SLIT2: variants seen among roughly 807,000 people sequenced by gnomAD.
SLIT2 encodes the protein slit homolog 2 protein.
Under a neutral mutation model 185.7 loss-of-function variants are expected in SLIT2, and 41 were observed. The ratio of observed to expected loss-of-function variants is 0.22; its 90% confidence interval spans 0.17 to 0.29. The LOEUF (loss-of-function observed/expected upper bound fraction) is 0.29, where lower values mean the gene tolerates loss of function less well. Among genes scored for constraint, SLIT2 ranks in the 10% least tolerant of loss-of-function variants. The probability of loss-of-function intolerance (pLI) is 1.00; values close to 1 mark genes in which losing one functional copy is unlikely to be tolerated. For synonymous variants in SLIT2, 693 were observed against 680.2 expected (o/e 1.02, Z -0.29); for missense variants, 1,571 against 1,909.0 (o/e 0.82, Z 3.30).
intron 4 of SLIT2, among the ~76,000 whole-genome samples, chr4:20,327,699 T>G (rs1416772939): frequency 2.6e-5 from 4 of 152,020 alleles, no homozygotes; most frequent in Non-Finnish European, 5.9e-5. Flanking sequence ...CCAAATTAAG[T>G]AATAAATATT....
At chr4:20,272,442 T>A (rs1456365465) in intron 4 of SLIT2, among the ~76,000 whole-genome samples, 1 of 152,024 alleles carries the variant, frequency 6.6e-6, no homozygotes, top group Non-Finnish European at 1.5e-5. Context: ...TTGCAGGGAA[T>A]TTTGAAACAG....
chr4:20,423,966 A>G (rs991454062), intron 4 of SLIT2, among the ~76,000 whole-genome samples: 2 of 152,038 alleles, frequency 1.3e-5, no homozygotes, highest in Non-Finnish European at 2.9e-5. Context: ...TCTATTGGCA[A>G]TCTCTCTCTT....
chr4:20,483,253 G>A (rs16867624), intron 6 of SLIT2, among the ~76,000 whole-genome samples: 9,999 of 151,960 alleles, frequency 0.066, 428 homozygotes, highest in Admixed American at 0.16. Flanking sequence ...TTGATGAAAA[G>A]TATCAAATTA....
chr4:20,515,484 A>T (rs1720113388), intron 11 of SLIT2, among the ~76,000 whole-genome samples: 1 of 152,164 alleles, frequency 6.6e-6, no homozygotes, highest in Non-Finnish European at 1.5e-5. Flanking sequence ...TCTACAGTGG[A>T]AGACTTTAAC....
At chr4:20,268,339 T>C (rs1312343036) in intron 3 of SLIT2, among the ~76,000 whole-genome samples, 1 of 143,796 alleles carries the variant, frequency 7.0e-6, no homozygotes, top group Non-Finnish European at 1.5e-5. Context: ...TTCTCACACC[T>C]TTTTTTTTTT....
chr4:20,397,986 C>A (rs769183163), intron 4 of SLIT2, among the ~76,000 whole-genome samples: 1 of 151,730 alleles, frequency 6.6e-6, no homozygotes, highest in African/African-American at 2.4e-5. Context: ...AAAGTACAGA[C>A]GAGTGAGTAG....
rs898584883 is a variant in SLIT2 at position 20,309,762 on chromosome 4, T to C, written c.395+40881T>C. On this transcript the variant is annotated intron_variant, in intron 4 of 36. Transcript: ENST00000504154. ...GTGACCTTCTAGTCTTTCTTTCTTT[T>C]TTTTTTTTTTTTTTTGAGATGGAGT... Among the ~76,000 whole-genome samples, 146 of 144,926 alleles carry C rather than the reference T, an allele frequency of 1.0e-3. 3 individuals are homozygous for C. The highest frequency in any genetic ancestry group is 8.3e-4 in the Non-Finnish European group (55 of 65,880).
chr4:20,532,168 C>T, intron 17 of SLIT2, 110 bp downstream of exon 17: 1 of 630,810 alleles, frequency 1.6e-6, no homozygotes, highest in Non-Finnish European at 2.7e-6. Flanking sequence ...GGAAATTTCC[C>T]TATGATGATG....
chr4:20,548,455 T>G, intron 22 of SLIT2, 33 bp from the exon 23 acceptor site: 1 of 1,081,888 alleles, frequency 9.2e-7, no homozygotes, highest in Non-Finnish European at 1.4e-6. Context: ...TTTCTGTGGT[T>G]AATAGTGTAC....
chr4:20,447,250 T>C (rs1379859336), intron 4 of SLIT2, among the ~76,000 whole-genome samples: 1 of 152,170 alleles, frequency 6.6e-6, no homozygotes, highest in Non-Finnish European at 1.5e-5. Flanking sequence ...ACAGTTTTCT[T>C]TGTCAGATGG....
chr4:20,499,023 C>G (rs1269789423), intron 9 of SLIT2, among the ~76,000 whole-genome samples: 1 of 152,190 alleles, frequency 6.6e-6, no homozygotes, highest in Non-Finnish European at 1.5e-5. Flanking sequence ...GTTGAACTAA[C>G]TTGCATTCCT....
Position 20,511,587 on chromosome 4 carries a change from A to ATTTTTTTTTGTTTT in SLIT2, c.1058+459_1058+460insGTTTTTTTTTTTTT, listed in dbSNP as rs1719726760. On this transcript the variant is annotated intron_variant, in intron 11 of 36. Transcript: ENST00000504154. ...AGGCGCCTGCCACCACATCCAGCTA[A>ATTTTTTTTTGTTTT]TTTTTTTTTTTTTTTTATTTTTGGT... 6.1e-5 allele frequency among the ~76,000 whole-genome samples: 5 copies of ATTTTTTTTTGTTTT among 82,216 alleles called. 1 individual carries two copies. In the South Asian group the frequency reaches 2.3e-3, roughly 37 times the overall value. The allele number at this position is 82,216 out of a possible 152,430, so 53.9% of individuals were successfully genotyped here. A position where few individuals can be genotyped will look rare whatever the true frequency, so the allele number is the denominator to read the frequency against.
chr4:20,492,162 G>C (rs908518641), intron 9 of SLIT2, among the ~76,000 whole-genome samples: 3 of 152,144 alleles, frequency 2.0e-5, no homozygotes, highest in African/African-American at 7.2e-5. Flanking sequence ...GTTTATACCT[G>C]GTTCCACCCT....
intron 4 of SLIT2, among the ~76,000 whole-genome samples, chr4:20,321,105 C>T (rs962351607): frequency 5.9e-5 from 9 of 151,890 alleles, no homozygotes; most frequent in Middle Eastern, 3.2e-3. Context: ...GTAGCCTGGG[C>T]GACAGAGCAA....
At position 20,437,149 on chromosome 4, in the gene SLIT2, A is replaced by C. The variant is rs117402272; in HGVS notation, c.396-30603A>C. Among the ~76,000 whole-genome samples, 392 of 152,256 alleles carry C rather than the reference A, an allele frequency of 2.6e-3. 5 individuals are homozygous for C. In the East Asian group the frequency reaches 0.037, roughly 14 times the overall value. ...TATCTTTAGTCAGGACCTGCTCTCTAAAATCCAGACTCATATACCATTGCC... is the reference window on the plus strand; with the variant it reads ...TATCTTTAGTCAGGACCTGCTCTCTCAAATCCAGACTCATATACCATTGCC... On this transcript the variant is annotated intron_variant, in intron 4 of 36. Transcript: ENST00000504154.
chr4:20,477,380 G>T (rs1716235454), intron 5 of SLIT2, among the ~76,000 whole-genome samples: 1 of 151,902 alleles, frequency 6.6e-6, no homozygotes, highest in Admixed American at 6.6e-5. Flanking sequence ...TGTATTTTTA[G>T]TAGAGATGGG....
chr4:20,539,175 C>T (rs1208026023), intron 18 of SLIT2, among the ~76,000 whole-genome samples: 1 of 152,184 alleles, frequency 6.6e-6, no homozygotes, highest in Admixed American at 6.5e-5. Flanking sequence ...CAAAGGAAAA[C>T]ATTCTTCCCT....
At chr4:20,469,644 A>G (rs920512948) in intron 5 of SLIT2, among the ~76,000 whole-genome samples, 4 of 151,334 alleles carry the variant, frequency 2.6e-5, no homozygotes, top group African/African-American at 2.4e-5. Flanking sequence ...TTTTAAAATT[A>G]TTAATGCAGT....
intron 4 of SLIT2, among the ~76,000 whole-genome samples, chr4:20,357,772 C>T (rs906083797): frequency 1.3e-5 from 2 of 152,004 alleles, no homozygotes; most frequent in East Asian, 1.9e-4. Context: ...TTATTCCCCC[C>T]AATATACTTT....
Sources: allele counts gnomAD v4.1 joint callset (sites outside exome capture counted in the v4.1 genomes callset), GRCh38; gene constraint gnomAD v4.1.1; transcripts MANE v1.5; gene names NCBI Gene and HGNC (gene_info 2026-07-23, HGNC 2026-07-21).